PARD3: variants seen among roughly 807,000 people sequenced by gnomAD.
The protein encoded by PARD3 is partitioning defective 3 homolog.
A neutral mutation model predicts 155.4 loss-of-function variants in PARD3; 75 were observed. That is an observed-to-expected ratio of 0.48 (90% CI 0.40 to 0.58). The LOEUF (loss-of-function observed/expected upper bound fraction) is 0.58. Ranked by LOEUF, PARD3 falls within the 20% of genes least tolerant of loss-of-function variation. The pLI is 0.00. For missense variants in PARD3, 1,642 were observed against 1,721.7 expected (o/e 0.95, Z 0.82); for synonymous variants, 576 against 610.5 (o/e 0.94, Z 0.83).
chr10:34,780,937 C>A (rs1001691285), intron 1 of PARD3, among the ~76,000 whole-genome samples: 1 of 152,210 alleles, frequency 6.6e-6, no homozygotes, highest in Admixed American at 6.5e-5. Flanking sequence ...TATGACTTCA[C>A]ACAGCTATAA....
intron 20 of PARD3, among the ~76,000 whole-genome samples, chr10:34,289,103 G>C (rs1411889641): frequency 6.6e-6 from 1 of 151,964 alleles, no homozygotes; most frequent in African/African-American, 2.4e-5. Flanking sequence ...TGGGACTACA[G>C]GTGCATGGTA....
intron 2 of PARD3, among the ~76,000 whole-genome samples, chr10:34,668,830 A>AT (rs146182419): frequency 1.9e-3 from 285 of 148,272 alleles, no homozygotes; most frequent in African/African-American, 4.6e-3. Flanking sequence ...TAAAAGTTTG[A>AT]TTTTTTTTTT....
At chr10:34,160,509 T>C (rs548042217) in intron 22 of PARD3, among the ~76,000 whole-genome samples, 5 of 152,240 alleles carry the variant, frequency 3.3e-5, no homozygotes, top group Non-Finnish European at 7.3e-5. Flanking sequence ...GCTAAAATAA[T>C]GGGCAATTGA....
At chr10:34,742,614 T>C (rs1456996773) in intron 1 of PARD3, among the ~76,000 whole-genome samples, 1 of 152,212 alleles carries the variant, frequency 6.6e-6, no homozygotes, top group Non-Finnish European at 1.5e-5. Flanking sequence ...ATCTCATAGA[T>C]GATCTAATGA....
chr10:34,531,354 T>C (rs1056142258), intron 2 of PARD3, among the ~76,000 whole-genome samples: 2 of 152,160 alleles, frequency 1.3e-5, no homozygotes, highest in Non-Finnish European at 2.9e-5. Context: ...TAGCTGAACA[T>C]TTTTTTAAGC....
At chr10:34,564,056 C>G (rs545539248) in intron 2 of PARD3, among the ~76,000 whole-genome samples, 1 of 152,202 alleles carries the variant, frequency 6.6e-6, no homozygotes, top group Non-Finnish European at 1.5e-5. Context: ...AAAGCATAAA[C>G]CTTTGGAGGA....
At chr10:34,538,122 G>A (rs1228901245) in intron 2 of PARD3, among the ~76,000 whole-genome samples, 1 of 152,214 alleles carries the variant, frequency 6.6e-6, no homozygotes, top group Admixed American at 6.5e-5. Context: ...TCCAGCCTGG[G>A]TGACAAGAGC....
At chr10:34,708,659 C>G (rs752011996) in intron 1 of PARD3, among the ~76,000 whole-genome samples, 6 of 152,018 alleles carry the variant, frequency 3.9e-5, no homozygotes, top group Non-Finnish European at 7.4e-5. Flanking sequence ...GTGCATTTCA[C>G]TAAAGTGTAC....
At chr10:34,506,578 G>A (rs1163249646) in intron 3 of PARD3, among the ~76,000 whole-genome samples, 1 of 152,170 alleles carries the variant, frequency 6.6e-6, no homozygotes, top group Non-Finnish European at 1.5e-5. Context: ...ACTGAAGAGA[G>A]TATAATGTTA....
intron 19 of PARD3, among the ~76,000 whole-genome samples, chr10:34,326,736 G>T (rs868237111): frequency 3.9e-5 from 6 of 152,136 alleles, no homozygotes; most frequent in Non-Finnish European, 7.4e-5. Context: ...TGTAAATTCA[G>T]TTTCTTCAAA....
intron 7 of PARD3, among the ~76,000 whole-genome samples, chr10:34,388,514 T>A (rs1842567702): frequency 6.6e-6 from 1 of 152,194 alleles, no homozygotes; most frequent in Non-Finnish European, 1.5e-5. Context: ...CTTAAAGCTG[T>A]ATCAAACAAT....
chr10:34,579,490 T>A (rs1472451735), intron 2 of PARD3, among the ~76,000 whole-genome samples: 1 of 151,118 alleles, frequency 6.6e-6, no homozygotes, highest in Admixed American at 6.6e-5. Flanking sequence ...TGAAAAAAAA[T>A]ACGTAAGAAG....
intron 20 of PARD3, among the ~76,000 whole-genome samples, chr10:34,306,167 G>A (rs1225303252): frequency 6.6e-6 from 1 of 150,388 alleles, no homozygotes; most frequent in Admixed American, 6.6e-5. Context: ...GCCTGTAATC[G>A]CAGCTACTTG....
chr10:34,606,299 G>C (rs1253570555), intron 2 of PARD3, among the ~76,000 whole-genome samples: 1 of 150,960 alleles, frequency 6.6e-6, no homozygotes, highest in Non-Finnish European at 1.5e-5. Context: ...TCCGGGTGCA[G>C]AGAAAGGCAG....
intron 1 of PARD3, among the ~76,000 whole-genome samples, chr10:34,730,717 T>C (rs1590855837): frequency 1.3e-5 from 2 of 152,074 alleles, no homozygotes; most frequent in Admixed American, 6.5e-5. Context: ...GGCACAGGAG[T>C]ACAAGGCTGC....
At chr10:34,308,042 A>G (rs1957500902) in intron 20 of PARD3, among the ~76,000 whole-genome samples, 1 of 152,146 alleles carries the variant, frequency 6.6e-6, no homozygotes, top group Admixed American at 6.5e-5. Context: ...GAACCTAGGA[A>G]TACCTGAGAA....
chr10:34,507,637 T>G (rs950050936), intron 3 of PARD3, among the ~76,000 whole-genome samples: 1 of 151,816 alleles, frequency 6.6e-6, no homozygotes, highest in Non-Finnish European at 1.5e-5. Flanking sequence ...TAAAACAACT[T>G]CTGATGGAAT....
intron 7 of PARD3, among the ~76,000 whole-genome samples, chr10:34,397,135 T>C (rs1843421836): frequency 6.6e-6 from 1 of 152,208 alleles, no homozygotes; most frequent in Non-Finnish European, 1.5e-5. Flanking sequence ...AAAGGTTTCT[T>C]ATGAAGTAAC....
chr10:34,708,212 GT>G (rs1408431100), intron 1 of PARD3, among the ~76,000 whole-genome samples: 1 of 149,270 alleles, frequency 6.7e-6, no homozygotes, highest in Non-Finnish European at 1.5e-5. Flanking sequence ...CAGAATATGA[GT>G]TTTTCTTTGT....
Sources: gnomAD v4.1 joint callset for allele counts (sites outside exome capture counted in the v4.1 genomes callset) on GRCh38, gnomAD v4.1.1 for gene constraint, MANE v1.5 for transcripts, NCBI Gene and HGNC (gene_info 2026-07-23, HGNC 2026-07-21) for gene names.